The following FCHSD2 variants were observed in gnomAD, a reference collection of about 807,000 sequenced individuals.
The protein encoded by FCHSD2 is FCH and double SH3 domains 2, also known as F-BAR and double SH3 domains protein 2.
In FCHSD2, 38 loss-of-function variants were observed where a neutral mutation model predicts 108.1. That is an observed-to-expected ratio of 0.35 (90% CI 0.27 to 0.46). The LOEUF is 0.46. Ranked by LOEUF, FCHSD2 falls within the 20% of genes least tolerant of loss-of-function variation. The probability of loss-of-function intolerance (pLI) is 1.00; values close to 1 mark genes in which losing one functional copy is unlikely to be tolerated. For missense variants in FCHSD2, 751 were observed against 897.8 expected (o/e 0.84, Z 2.09); for synonymous variants, 279 against 314.7 (o/e 0.89, Z 1.20).
At chr11:72,942,019 A>G (rs576794416) in intron 8 of FCHSD2, among the ~76,000 whole-genome samples, 8 of 152,372 alleles carry the variant, frequency 5.3e-5, no homozygotes, top group Non-Finnish European at 1.5e-5. Flanking sequence ...ATGTAAAGGC[A>G]GTGATACAGT....
Position 73,020,678 on chromosome 11 carries a change from AC to A in FCHSD2, c.166-4794del, listed in dbSNP as rs143406067. Among the ~76,000 whole-genome samples the A allele has an allele frequency of 4.9e-3, 749 of 152,178 alleles. 5 individuals are homozygous for A. The highest frequency in any genetic ancestry group is 0.017 in the African/African-American group (689 of 41,546). Reference sequence around the variant, plus strand: ...TATATGATTATGTAAGATTAAAAAAACAGTATATTATTTTAAATTACATAAT... The same window carrying A: ...TATATGATTATGTAAGATTAAAAAAAAGTATATTATTTTAAATTACATAAT... On this transcript the variant is annotated intron_variant, in intron 3 of 19. Transcript: ENST00000409418.
At chr11:73,065,888 C>A (rs111616537) in intron 3 of FCHSD2, among the ~76,000 whole-genome samples, 213 of 152,114 alleles carry the variant, frequency 1.4e-3, no homozygotes, top group Non-Finnish European at 2.9e-3. Flanking sequence ...TCCATGCTTA[C>A]GGCTAGGAAG....
At position 72,867,870 on chromosome 11, in the gene FCHSD2, G is replaced by A. The variant is rs773518304; in HGVS notation, c.1303C>T (p.His435Tyr). ...TCCAAGAAAAGAAATCGTACCGAGT[G>A]TAAAGTGCCATTACTGGTCACTGCA... ...PPAVTSNGTL[H>Y]SLNADTEREE... is the part of the protein sequence containing the mutation. Residue 435 changes from histidine (H) to tyrosine (Y), a missense_variant, in exon 13 of 20, where the codon CAC (histidine) becomes TAC (tyrosine). Coordinates refer to ENST00000409418, the MANE Select transcript of FCHSD2 (RefSeq NM_014824.3). 1 of 1,611,816 alleles carries A rather than the reference G, an allele frequency of 6.2e-7. No individual in the cohort carries two copies. The highest frequency in any genetic ancestry group is 8.5e-7 in the Non-Finnish European group (1 of 1,179,052).
At chr11:72,951,917 C>T (rs1856627554) in intron 8 of FCHSD2, among the ~76,000 whole-genome samples, 1 of 152,162 alleles carries the variant, frequency 6.6e-6, no homozygotes, top group African/African-American at 2.4e-5. Context: ...TCCTATTTGA[C>T]AAGAATACTG....
chr11:72,978,069 C>T (rs1303677648), intron 8 of FCHSD2, among the ~76,000 whole-genome samples: 1 of 152,010 alleles, frequency 6.6e-6, no homozygotes, highest in Non-Finnish European at 1.5e-5. Context: ...GGACAGAAAA[C>T]CAAACACCAC....
At chr11:73,048,405 G>A (rs1016468705) in intron 3 of FCHSD2, among the ~76,000 whole-genome samples, 1 of 152,040 alleles carries the variant, frequency 6.6e-6, no homozygotes, top group Non-Finnish European at 1.5e-5. Context: ...AGAATGGCTT[G>A]GTTAGCTGTG....
At position 72,838,562 on chromosome 11, in the gene FCHSD2, G is replaced by C. The variant is rs1212905504; in HGVS notation, c.*229C>G. 3.5e-6 allele frequency: 2 copies of C among 565,218 alleles called. No homozygotes were observed. 35.0% of individuals were successfully genotyped at this position (565,218 alleles called of 1,614,324 possible). A position where few individuals can be genotyped will look rare whatever the true frequency, so the allele number is the denominator to read the frequency against. ...CCCTCTTTGCTCCTAGGGTCCGCTA[G>C]GATTTGTGCTATGGTAGGAGAAATG... On this transcript the variant is annotated 3_prime_UTR_variant, in exon 20 of 20. Coordinates refer to ENST00000409418, the MANE Select transcript of FCHSD2 (RefSeq NM_014824.3).
chr11:73,098,135 G>C (rs1340015640), intron 2 of FCHSD2, among the ~76,000 whole-genome samples: 1 of 151,668 alleles, frequency 6.6e-6, no homozygotes, highest in Non-Finnish European at 1.5e-5. Flanking sequence ...CTAATTCTTA[G>C]GGTATAAAGC....
intron 9 of FCHSD2, among the ~76,000 whole-genome samples, chr11:72,917,422 C>T: frequency 6.6e-6 from 1 of 152,290 alleles, no homozygotes; most frequent in East Asian, 1.9e-4. Context: ...TTTCTGAACT[C>T]TCAATTCTGT....
At chr11:73,091,474 G>A (rs765778398) in intron 2 of FCHSD2, among the ~76,000 whole-genome samples, 42 of 151,792 alleles carry the variant, frequency 2.8e-4, no homozygotes, top group Middle Eastern at 3.2e-3. Flanking sequence ...ACTTGAACCC[G>A]GGAGGCAGAG....
At chr11:72,854,941 C>G (rs931439259) in intron 13 of FCHSD2, among the ~76,000 whole-genome samples, 1 of 151,960 alleles carries the variant, frequency 6.6e-6, no homozygotes, top group African/African-American at 2.4e-5. Flanking sequence ...AGTTCGAGAC[C>G]AGCCTGGCCA....
At chr11:72,910,488 C>T (rs372311189) in intron 9 of FCHSD2, among the ~76,000 whole-genome samples, 57 of 152,192 alleles carry the variant, frequency 3.7e-4, no homozygotes, top group African/African-American at 1.3e-3. Context: ...AAGAAAAATT[C>T]TTCTGCCTTG....
chr11:73,017,131 T>G (rs755427829), intron 3 of FCHSD2, among the ~76,000 whole-genome samples: 1 of 152,140 alleles, frequency 6.6e-6, no homozygotes, highest in Non-Finnish European at 1.5e-5. Context: ...TACAGGCACA[T>G]GCCACTGAGC....
chr11:72,947,020 C>G (rs539243151), intron 8 of FCHSD2, among the ~76,000 whole-genome samples: 1 of 152,310 alleles, frequency 6.6e-6, no homozygotes, highest in East Asian at 1.9e-4. Flanking sequence ...TGTGTCCCAG[C>G]CTGCTTTCCC....
chr11:73,052,834 A>G (rs1366277376), intron 3 of FCHSD2, among the ~76,000 whole-genome samples: 1 of 152,062 alleles, frequency 6.6e-6, no homozygotes, highest in African/African-American at 2.4e-5. Context: ...TATTTAGGAC[A>G]TATTCCATAA....
intron 3 of FCHSD2, among the ~76,000 whole-genome samples, chr11:73,033,414 C>T (rs545914739): frequency 5.2e-4 from 79 of 151,980 alleles, no homozygotes; most frequent in Non-Finnish European, 9.7e-4. Context: ...AGTTTTAGTG[C>T]AAAGAATTTT....
chr11:72,912,025 G>A (rs1855774970), intron 9 of FCHSD2, among the ~76,000 whole-genome samples: 1 of 152,180 alleles, frequency 6.6e-6, no homozygotes, highest in East Asian at 1.9e-4. Flanking sequence ...TACTAAAGGT[G>A]TTTATCAGTT....
intron 13 of FCHSD2, among the ~76,000 whole-genome samples, chr11:72,852,954 A>G (rs1368500009): frequency 1.3e-5 from 2 of 152,154 alleles, no homozygotes; most frequent in African/African-American, 4.8e-5. Flanking sequence ...ACTCATGGAC[A>G]CAAAGAGGGG....
In FCHSD2 at chr11:73,072,076, G is replaced by A. The variant is rs149000225; in HGVS notation, c.165+11619C>T. On this transcript the variant is annotated intron_variant, in intron 3 of 19. Coordinates refer to ENST00000409418, the MANE Select transcript of FCHSD2 (RefSeq NM_014824.3). The stretch of plus-strand genomic sequence containing the variant: ...AAACAACAAATGAGTGAAGACATAC[G>A]CAGACCACTATGTCCTGTATAAAAG... Among the ~76,000 whole-genome samples the A allele has an allele frequency of 6.6e-5, 10 of 151,584 alleles. No individual in the cohort carries two copies. The East Asian group carries it at 1.7e-3, about 26-fold the overall frequency.
Sources: gnomAD v4.1 joint callset for allele counts (sites outside exome capture counted in the v4.1 genomes callset) on GRCh38, gnomAD v4.1.1 for gene constraint, MANE v1.5 for transcripts, NCBI Gene and HGNC (gene_info 2026-07-23, HGNC 2026-07-21) for gene names.